CHM: variants seen among roughly 807,000 people sequenced by gnomAD.
CHM encodes CHM Rab escort protein.
In CHM, 10 loss-of-function variants were observed where a neutral mutation model predicts 49.0. The observed-to-expected ratio is 0.20, with a 90% CI of 0.13 to 0.35. CHM has a LOEUF of 0.35. CHM is among the 10% of genes least tolerant of loss of function. CHM has a pLI of 1.00. For synonymous variants in CHM, 184 were observed against 167.5 expected (o/e 1.10, Z -0.76); for missense variants, 455 against 478.4 (o/e 0.95, Z 0.46).
chrX:85,986,960 GA>G (rs1003391667), intron 2 of CHM, among the ~76,000 whole-genome samples: 190 of 101,122 alleles, frequency 1.9e-3, no homozygotes, highest in Admixed American at 3.1e-3. Flanking sequence ...GAAACAGCTG[GA>G]AAAAAAAAAA....
intron 2 of CHM, among the ~76,000 whole-genome samples, chrX:85,989,265 A>G (rs969175305): frequency 1.3e-4 from 15 of 111,951 alleles, no homozygotes; most frequent in South Asian, 3.8e-4. Flanking sequence ...TCCCTATTCA[A>G]TAAATGGTGC....
chrX:85,925,732 ATAAAGG>A lies in CHM; in HGVS notation c.1167-14400_1167-14395del, dbSNP rs1208896205. Among the ~76,000 whole-genome samples, 7 of 111,971 alleles carry A rather than the reference ATAAAGG, an allele frequency of 6.3e-5. No homozygotes were observed. The East Asian group carries it at 1.7e-3, about 27-fold the overall frequency. ...TGAAAATTCAAATTGTACAAATAACATAAAGGTAAAGAGACATCCATTTTGAATCCA... is the reference window on the plus strand; with the variant it reads ...TGAAAATTCAAATTGTACAAATAACATAAAGAGACATCCATTTTGAATCCA... On this transcript the variant is annotated intron_variant, in intron 8 of 14. Coordinates refer to ENST00000357749, the MANE Select transcript of CHM (RefSeq NM_000390.4).
intron 8 of CHM, among the ~76,000 whole-genome samples, chrX:85,927,363 T>C (rs1188726926): frequency 1.8e-5 from 2 of 111,773 alleles, no homozygotes; most frequent in African/African-American, 3.3e-5. Context: ...TGTAAAAAAA[T>C]ACAAAACTCA....
rs755572153 is a variant in CHM, at chrX:85,929,747, C to G, written c.1167-18409G>C. On this transcript the variant is annotated intron_variant, in intron 8 of 14. Coordinates refer to ENST00000357749, the MANE Select transcript of CHM (RefSeq NM_000390.4). ...CTAAATATGCATATGATAAAACAGC[C>G]CGAATTTATAGTCAATTCCTCCCTT... Among the ~76,000 whole-genome samples, 361 of 111,410 alleles carry G rather than the reference C, an allele frequency of 3.2e-3. 2 individuals carry two copies. Among genetic ancestry groups the G allele is most frequent in the African/African-American group, 0.011 (347 of 30,630 alleles).
chrX:85,895,603 A>G (rs922574738), intron 11 of CHM, among the ~76,000 whole-genome samples: 1 of 112,284 alleles, frequency 8.9e-6, no homozygotes, highest in Non-Finnish European at 1.9e-5. Flanking sequence ...TTTGACTGAG[A>G]ATGTCACAGT....
intron 8 of CHM, among the ~76,000 whole-genome samples, chrX:85,934,279 CTTTTTTT>C (rs769967072): frequency 1.1e-4 from 8 of 71,276 alleles, no homozygotes; most frequent in Non-Finnish European, 1.9e-4. Context: ...TGCGCTCAGC[CTTTTTTT>C]TTTTTTTTTT....
At chrX:85,934,121 CAA>C (rs1928611756) in intron 8 of CHM, among the ~76,000 whole-genome samples, 5 of 108,676 alleles carry the variant, frequency 4.6e-5, no homozygotes, top group Non-Finnish European at 7.6e-5. Context: ...GCTGGGACTA[CAA>C]AGGCCTGCCA....
At chrX:85,952,406 T>A (rs1364282732) in intron 8 of CHM, among the ~76,000 whole-genome samples, 1 of 110,468 alleles carries the variant, frequency 9.1e-6, no homozygotes, top group Non-Finnish European at 1.9e-5. Context: ...CCAGGCAGAG[T>A]CATGAGGCCA....
intron 2 of CHM, among the ~76,000 whole-genome samples, chrX:86,015,398 C>T (rs1933253176): frequency 8.9e-6 from 1 of 111,943 alleles, no homozygotes; most frequent in Non-Finnish European, 1.9e-5. Context: ...TCTTTTTCAT[C>T]TCAATCTCGG....
chrX:85,903,795 T>C (rs141029572), intron 9 of CHM: 3 of 316,662 alleles, frequency 9.5e-6, no homozygotes, highest in Non-Finnish European at 1.9e-5. Context: ...AATCAAGGGC[T>C]ATTGGTACAG....
chrX:86,020,610 A>T (rs1933494784), intron 2 of CHM, among the ~76,000 whole-genome samples: 1 of 101,936 alleles, frequency 9.8e-6, no homozygotes, highest in African/African-American at 3.4e-5. Context: ...AATATTACAA[A>T]AATTTATATA....
At chrX:85,960,997 G>A (rs1930265950) in intron 5 of CHM, among the ~76,000 whole-genome samples, 1 of 111,173 alleles carries the variant, frequency 9.0e-6, no homozygotes, top group Non-Finnish European at 1.9e-5. Flanking sequence ...CTTTTTAAAA[G>A]GCTATATACA....
intron 8 of CHM, among the ~76,000 whole-genome samples, chrX:85,915,051 C>T (rs1168185052): frequency 2.7e-5 from 3 of 110,205 alleles, no homozygotes; most frequent in Non-Finnish European, 5.7e-5. Flanking sequence ...AGCAAAAAAC[C>T]CATATAAAAA....
At chrX:86,020,678 C>T (rs1003856818) in intron 2 of CHM, among the ~76,000 whole-genome samples, 3 of 103,690 alleles carry the variant, frequency 2.9e-5, no homozygotes, top group East Asian at 3.0e-4. Flanking sequence ...TATATATCTC[C>T]GATATATACA....
intron 2 of CHM, among the ~76,000 whole-genome samples, chrX:86,023,099 T>C (rs1374966952): frequency 9.0e-6 from 1 of 111,570 alleles, no homozygotes; most frequent in African/African-American, 3.3e-5. Flanking sequence ...AACAGCCACC[T>C]AGCAAGTCTG....
chrX:85,901,260 C>T, intron 9 of CHM, 72 bp from the exon 10 acceptor site: 1 of 658,929 alleles, frequency 1.5e-6, no homozygotes, highest in Non-Finnish European at 2.3e-6. Context: ...TAATCGGCTA[C>T]CAATTTTGAA....
intron 11 of CHM, among the ~76,000 whole-genome samples, chrX:85,897,581 G>A (rs905279941): frequency 6.4e-5 from 7 of 110,192 alleles, no homozygotes; most frequent in Non-Finnish European, 1.3e-4. Context: ...TATTTTCAGC[G>A]AAGCAAGGTT....
At chrX:85,923,207 G>T (rs994549363) in intron 8 of CHM, among the ~76,000 whole-genome samples, 1 of 112,322 alleles carries the variant, frequency 8.9e-6, no homozygotes, top group Non-Finnish European at 1.9e-5. Context: ...ATAAAATGGG[G>T]ATAATGATAT....
intron 2 of CHM, among the ~76,000 whole-genome samples, chrX:86,018,189 C>T (rs1412944920): frequency 8.9e-6 from 1 of 112,245 alleles, no homozygotes; most frequent in Non-Finnish European, 1.9e-5. Flanking sequence ...CAAAACCCAA[C>T]AGTAAAACAA....
Sources: allele counts gnomAD v4.1 joint callset (sites outside exome capture counted in the v4.1 genomes callset), GRCh38; gene constraint gnomAD v4.1.1; transcripts MANE v1.5; gene names NCBI Gene and HGNC (gene_info 2026-07-23, HGNC 2026-07-21).